The following LAMA1 variants were observed in gnomAD, a reference collection of about 807,000 sequenced individuals.
The protein encoded by LAMA1 is laminin subunit alpha-1.
In LAMA1, 219 loss-of-function variants were observed where a neutral mutation model predicts 348.7. The ratio of observed to expected loss-of-function variants is 0.63; its 90% CI spans 0.56 to 0.70. LAMA1 has a LOEUF of 0.70. LAMA1 is among the 30% of genes least tolerant of loss of function. LAMA1 has a pLI of 0.00. For synonymous variants in LAMA1, 1,487 were observed against 1,491.0 expected (o/e 1.00, Z 0.06); for missense variants, 3,744 against 3,888.0 (o/e 0.96, Z 0.99).
At position 7,008,476 on chromosome 18, in the gene LAMA1, G is replaced by C. The variant is rs2057843288; in HGVS notation, c.4122+12C>G. 1.9e-6 allele frequency: 3 copies of C among 1,613,718 alleles called. No individual in the cohort carries two copies. Among genetic ancestry groups the C allele is most frequent in the Admixed American group, 1.7e-5 (1 of 59,974 alleles). On this transcript the variant is annotated intron_variant, in intron 28 of 62. Coordinates refer to ENST00000389658, the MANE Select transcript of LAMA1 (RefSeq NM_005559.4). The stretch of plus-strand genomic sequence containing the variant: ...AAACCCAGGAAATAGATTTCGACTA[G>C]AGTCTCCGTACCTGACATGAGAATC...
chr18:6,980,808 G>A (rs1363439029), intron 41 of LAMA1, among the ~76,000 whole-genome samples, 171 bp from the exon 42 acceptor site: 1 of 152,156 alleles, frequency 6.6e-6, no homozygotes, highest in Non-Finnish European at 1.5e-5. Flanking sequence ...GAAATTAAGA[G>A]TATGGGCCAG....
rs1338951414 is a variant in LAMA1 at position 7,024,443 on chromosome 18, T to C, written c.2426A>G (p.Asn809Ser). ...GTCACAGACCACTTCATCTCCATCA[T>C]TGAGGTGGCAGGTGGGGCTGAAACT... ...SNNFSPTCHL[N>S]DGDEVVCDWC... Residue 809 changes from asparagine (N) to serine (S), a missense_variant, in exon 18 of 63, where the codon AAT (asparagine) becomes AGT (serine). Coordinates refer to ENST00000389658, the MANE Select transcript of LAMA1 (RefSeq NM_005559.4). The C allele has an allele frequency of 4.3e-6, 7 of 1,613,858 alleles. No individual in the cohort carries two copies. The highest frequency in any genetic ancestry group is 5.1e-6 in the Non-Finnish European group (6 of 1,179,940).
rs997768000 is a variant in LAMA1, at chr18:7,018,069, C to T, written c.2702-685G>A. ...TTAATATGTTGGCTGTGCGCAGTGGCTCATGCCTGTAATCCCAGCACTTTG... is the reference window on the plus strand; with the variant it reads ...TTAATATGTTGGCTGTGCGCAGTGGTTCATGCCTGTAATCCCAGCACTTTG... On this transcript the variant is annotated intron_variant, in intron 19 of 62. Transcript: ENST00000389658. Among the ~76,000 whole-genome samples, 12 of 152,182 alleles carry T rather than the reference C, an allele frequency of 7.9e-5. No homozygotes were observed. The East Asian group carries it at 2.1e-3, about 27-fold the overall frequency.
At chr18:7,075,480 G>A (rs1052638043) in intron 3 of LAMA1, among the ~76,000 whole-genome samples, 1 of 151,910 alleles carries the variant, frequency 6.6e-6, no homozygotes, top group Non-Finnish European at 1.5e-5. Flanking sequence ...AAATTAGCCG[G>A]GCATGGTGGT....
At chr18:7,059,518 C>A (rs1244342557) in intron 3 of LAMA1, among the ~76,000 whole-genome samples, 1 of 152,198 alleles carries the variant, frequency 6.6e-6, no homozygotes, top group Non-Finnish European at 1.5e-5. Flanking sequence ...CAGGAATGTT[C>A]ATGTGGGCCT....
intron 1 of LAMA1, among the ~76,000 whole-genome samples, chr18:7,081,941 G>A (rs1050778942): frequency 1.3e-5 from 2 of 152,152 alleles, no homozygotes; most frequent in Non-Finnish European, 2.9e-5. Flanking sequence ...TAGTAACACA[G>A]AAGGAATTCA....
At chr18:7,071,011 A>T (rs954161347) in intron 3 of LAMA1, among the ~76,000 whole-genome samples, 9 of 152,106 alleles carry the variant, frequency 5.9e-5, no homozygotes, top group African/African-American at 2.2e-4. Flanking sequence ...AGAGGACCCT[A>T]CTGAGCAGGC....
At chr18:6,988,176 A>T (rs980921967) in intron 36 of LAMA1, among the ~76,000 whole-genome samples, 13 of 152,192 alleles carry the variant, frequency 8.5e-5, no homozygotes, top group African/African-American at 3.1e-4. Context: ...TGACTCTTCT[A>T]TCTAAACTAC....
At position 7,010,270 on chromosome 18, in the gene LAMA1, T is replaced by A. The variant is rs1465037694; in HGVS notation, c.3803A>T (p.Gln1268Leu). 2 of 1,614,188 alleles carry A rather than the reference T, an allele frequency of 1.2e-6. No individual in the cohort carries two copies. The highest frequency in any genetic ancestry group is 2.2e-5 in the East Asian group (1 of 44,872). The change falls in exon 26 of 63, where the codon CAA becomes CTA. Residue 1268 changes from glutamine (Q) to leucine (L), a missense_variant. Physicochemically the swap from Gln to Leu is moderately radical, Grantham distance 113. This residue lies in a region of LAMA1 where 1,529 missense variants were observed against 1,689.4 expected (regional missense o/e 0.91). Transcript: ENST00000389658. ...VLIKGGRIRK[Q>L]VIYMDAPAPE... is the part of the protein sequence containing the mutation. ...GGCTGGTGCATCCATGTAAATGACT[T>A]GCTTTCTGATCCGACCACCTTTGAT... is the stretch of plus-strand genomic sequence containing the variant.
At chr18:7,092,529 G>A (rs1208284059) in intron 1 of LAMA1, among the ~76,000 whole-genome samples, 1 of 151,830 alleles carries the variant, frequency 6.6e-6, no homozygotes. Context: ...GGAGGCTGAG[G>A]CAGGAGAATC....
rs1475810209 is a variant in LAMA1 at position 6,952,998 on chromosome 18, CCATGTCTGCCTGTGTCCAGT to C, written c.8208-2047_8208-2028del. On this transcript the variant is annotated intron_variant, in intron 57 of 62. Transcript: ENST00000389658. ...GTCCGGCGGATCCACGCCATAGGAG[CCATGTCTGCCTGTGTCCAGT>C]GGATCCACGCCATGGGAGCCATGTC... is the stretch of plus-strand genomic sequence containing the variant. Among the ~76,000 whole-genome samples, 41 of 92,494 alleles carry C rather than the reference CCATGTCTGCCTGTGTCCAGT, an allele frequency of 4.4e-4. 1 individual carries two copies. Among genetic ancestry groups the C allele is most frequent in the South Asian group, 1.9e-3 (4 of 2,086 alleles). The allele number at this position is 92,494 out of a possible 152,430, so 60.7% of individuals were successfully genotyped here.
At chr18:7,039,978 A>G in intron 10 of LAMA1, 98 bp downstream of exon 10, 1 of 1,402,720 alleles carries the variant, frequency 7.1e-7, no homozygotes, top group Non-Finnish European at 1.0e-6. Flanking sequence ...AAACCTTACC[A>G]CTTTGCTCAA....
rs1408592376 is a variant in LAMA1 at position 7,079,989 on chromosome 18, G to A, written c.331C>T (p.Leu111=). ...GREYHWVTIT[L]DLRQVFQVAY... ...GGCTCACCTACCTGTCTTAAGTCCA[G>A]AGTGATTGTGACCCAGTGATATTCT... The change falls in exon 3 of 63, where the codon CTG becomes TTG. Residue 111 remains leucine, a synonymous_variant. Coordinates refer to ENST00000389658, the MANE Select transcript of LAMA1 (RefSeq NM_005559.4). The A allele has an allele frequency of 6.2e-7, 1 of 1,613,406 alleles. No individual in the cohort carries two copies. Among genetic ancestry groups the A allele is most frequent in the South Asian group, 1.1e-5 (1 of 91,064 alleles).
chr18:7,021,852 T>TATATAATATATAA (rs1555654397), intron 19 of LAMA1, among the ~76,000 whole-genome samples: 1 of 62,116 alleles, frequency 1.6e-5, no homozygotes, highest in Non-Finnish European at 3.0e-5. Flanking sequence ...TTATATTATA[T>TATATAATATATAA]TATATATATT....
At chr18:7,097,819 AC>A (rs1403408556) in intron 1 of LAMA1, among the ~76,000 whole-genome samples, 2 of 151,706 alleles carry the variant, frequency 1.3e-5, no homozygotes, top group African/African-American at 4.8e-5. Context: ...AAATGAACTT[AC>A]ACCTCTCCCT....
intron 58 of LAMA1, among the ~76,000 whole-genome samples, chr18:6,949,787 C>A (rs1016460435): frequency 3.3e-5 from 5 of 152,112 alleles, no homozygotes; most frequent in Admixed American, 2.0e-4. Context: ...GCTCAGGGAC[C>A]AAAATCGCCT....
chr18:7,097,393 A>AC (rs1184839523), intron 1 of LAMA1, among the ~76,000 whole-genome samples: 1 of 152,194 alleles, frequency 6.6e-6, no homozygotes, highest in Non-Finnish European at 1.5e-5. Flanking sequence ...AAATGAATGA[A>AC]AAGATATTTC....
intron 3 of LAMA1, among the ~76,000 whole-genome samples, chr18:7,078,981 G>C (rs1004635518): frequency 6.6e-6 from 1 of 151,628 alleles, no homozygotes; most frequent in Non-Finnish European, 1.5e-5. Flanking sequence ...GTGAGACTTT[G>C]TCTCAAAAAA....
chr18:7,030,838 C>T (rs1400420181), intron 16 of LAMA1, among the ~76,000 whole-genome samples: 1 of 150,564 alleles, frequency 6.6e-6, no homozygotes, highest in Non-Finnish European at 1.5e-5. Context: ...ACCCCCCACC[C>T]CACCCCACCC....
Sources: gnomAD v4.1 joint callset for allele counts (sites outside exome capture counted in the v4.1 genomes callset) on GRCh38, gnomAD v4.1.1 for gene constraint, gnomAD v4.1.1 regional missense constraint, MANE v1.5 for transcripts, NCBI Gene and HGNC (gene_info 2026-07-23, HGNC 2026-07-21) for gene names.